The following EDNRB variants were observed in gnomAD, a reference collection of about 807,000 sequenced individuals.
EDNRB encodes endothelin receptor type B.
A neutral mutation model predicts 46.4 loss-of-function variants in EDNRB; 18 were observed. The ratio of observed to expected loss-of-function variants is 0.39; its 90% CI spans 0.27 to 0.57. The LOEUF (loss-of-function observed/expected upper bound fraction) is 0.57. Ranked by LOEUF, EDNRB falls within the 20% of genes least tolerant of loss-of-function variation. The pLI is 0.61. For synonymous variants in EDNRB, 213 were observed against 204.9 expected (o/e 1.04, Z -0.34); for missense variants, 434 against 537.5 (o/e 0.81, Z 1.90).
Position 77,898,194 on chromosome 13 carries a change from C to A in EDNRB, c.*6G>T, listed in dbSNP as rs781714008. The A allele has an allele frequency of 7.5e-6, 12 of 1,610,574 alleles. No homozygotes were observed. Among genetic ancestry groups the A allele is most frequent in the Non-Finnish European group, 1.0e-5 (12 of 1,178,174 alleles). On this transcript the variant is annotated 3_prime_UTR_variant, in exon 7 of 7. Transcript: ENST00000646607. ...AGAAAATGAAATACAGTGAATAGTT[C>A]TTCTTTCAAGATGAGCTGTATTTAT...
At chr13:77,970,863 C>G (rs1173371571) in intron 1 of EDNRB, among the ~76,000 whole-genome samples, 1 of 152,118 alleles carries the variant, frequency 6.6e-6, no homozygotes, top group Non-Finnish European at 1.5e-5. Flanking sequence ...GATGTATACA[C>G]TGGGAACAGC....
Position 77,918,816 on chromosome 13 carries a change from C to A in EDNRB, c.-243G>T. The A allele has an allele frequency of 7.7e-7, 1 of 1,306,434 alleles. No homozygotes were observed. The highest frequency in any genetic ancestry group is 9.7e-7 in the Non-Finnish European group (1 of 1,032,278). 80.9% of individuals were successfully genotyped at this position (1,306,434 alleles called of 1,614,324 possible). On this transcript the variant is annotated 5_prime_UTR_variant, in exon 1 of 7. Transcript: ENST00000646607. This position sits in a 1 kb window ranked among gnomAD's most constrained non-coding sequence, Gnocchi z 4.5. ...GGTCGAAACTCCTTCCTGATGCCCTCTCAGCTGTTTTTCTTCCCCCGCGTG... is the reference window on the plus strand; with the variant it reads ...GGTCGAAACTCCTTCCTGATGCCCTATCAGCTGTTTTTCTTCCCCCGCGTG...
chr13:77,960,189 C>T (rs1881363405), intron 1 of EDNRB, among the ~76,000 whole-genome samples: 1 of 152,106 alleles, frequency 6.6e-6, no homozygotes, highest in African/African-American at 2.4e-5. Context: ...TACGAGAATG[C>T]CACAAAGATA....
At chr13:77,900,881 A>G (rs1423329726) in intron 4 of EDNRB, among the ~76,000 whole-genome samples, 177 bp downstream of exon 4, 3 of 151,934 alleles carry the variant, frequency 2.0e-5, no homozygotes, top group African/African-American at 4.8e-5. Flanking sequence ...ATTATATAGA[A>G]TATCTCCAAA....
chr13:77,912,036 A>G (rs1324766752), intron 1 of EDNRB, among the ~76,000 whole-genome samples: 1 of 152,144 alleles, frequency 6.6e-6, no homozygotes, highest in East Asian at 1.9e-4. Context: ...CATATTAGCT[A>G]CACAGAGATA....
intron 1 of EDNRB, among the ~76,000 whole-genome samples, chr13:77,942,828 A>G (rs908722126): frequency 6.6e-6 from 1 of 152,106 alleles, no homozygotes. Context: ...AGCGATTATT[A>G]TTTGTTTTCT....
At chr13:77,901,651 A>G (rs1878992339) in intron 3 of EDNRB, among the ~76,000 whole-genome samples, 2 of 152,008 alleles carry the variant, frequency 1.3e-5, no homozygotes, top group African/African-American at 2.4e-5. Context: ...TAGGTTAACC[A>G]TTTAGCTCAG....
At position 77,903,255 on chromosome 13, in the gene EDNRB, G is replaced by A. The variant is rs112618428; in HGVS notation, c.702C>T (p.Val234=). 3.0e-5 allele frequency: 49 copies of A among 1,612,898 alleles called. 2 individuals carry two copies. In the African/African-American group the frequency reaches 3.7e-4, roughly 12 times the overall value. The change falls in exon 3 of 7, where the codon GTC becomes GTT. Residue 234 remains valine, a synonymous_variant. Coordinates refer to ENST00000646607, the MANE Select transcript of EDNRB (RefSeq NM_001122659.3). Reference sequence around the variant, plus strand: ...TTATATCAAAACCTATGGCTTCAGGGACAGCCAGAACCACAGAGACCACCC... The same window carrying A: ...TTATATCAAAACCTATGGCTTCAGGAACAGCCAGAACCACAGAGACCACCC... ...LIWVVSVVLA[V]PEAIGFDIIT... is the part of the protein sequence containing the mutation.
chr13:77,923,459 C>A (rs1046962198), upstream of EDNRB, among the ~76,000 whole-genome samples: 5 of 152,132 alleles, frequency 3.3e-5, no homozygotes, highest in African/African-American at 1.2e-4. Flanking sequence ...TTTGTCAATG[C>A]ACACTGTATT....
intron 5 of EDNRB, 135 bp from the exon 6 acceptor site, chr13:77,900,102 A>C (rs943604688): frequency 2.6e-6 from 2 of 755,186 alleles, no homozygotes; most frequent in African/African-American, 3.5e-5. Flanking sequence ...GTCTTTGCTA[A>C]CAATGATTCT....
At position 77,903,531 on chromosome 13, in the gene EDNRB, A is replaced by T; in HGVS notation, c.560T>A (p.Ile187Asn). The change falls in exon 2 of 7, where the codon ATC becomes AAC. Residue 187 changes from isoleucine (I) to asparagine (N), a missense_variant. Coordinates refer to ENST00000646607, the MANE Select transcript of EDNRB (RefSeq NM_001122659.3). ...CAGAGCACATAGACTCAGCACAGTG[A>T]TTCCCACAGAGGCTTTCTGTATGAA... ...VPFIQKASVG[I>N]TVLSLCALSI... 6.2e-7 allele frequency: 1 copy of T among 1,612,964 alleles called. No individual in the cohort carries two copies. Among genetic ancestry groups the T allele is most frequent in the Non-Finnish European group, 8.5e-7 (1 of 1,179,314 alleles).
upstream of EDNRB, among the ~76,000 whole-genome samples, chr13:77,923,112 GA>G (rs1880131642): frequency 6.6e-6 from 1 of 152,090 alleles, no homozygotes; most frequent in Non-Finnish European, 1.5e-5. Flanking sequence ...AATGTAACTA[GA>G]AATAAGACTT....
intron 6 of EDNRB, among the ~76,000 whole-genome samples, chr13:77,899,185 T>C (rs1201054657): frequency 6.6e-6 from 1 of 151,760 alleles, no homozygotes; most frequent in Non-Finnish European, 1.5e-5. Context: ...TAGGCTGCCT[T>C]AGTGTTTACG....
At chr13:77,919,539 T>C (rs893740409), upstream of EDNRB, 40 of 1,612,614 alleles carry the variant, frequency 2.5e-5, no homozygotes, top group Non-Finnish European at 2.7e-5. Flanking sequence ...GACGAAACGC[T>C]GCGAGAATGC....
intron 1 of EDNRB, among the ~76,000 whole-genome samples, chr13:77,966,686 A>G (rs1881591456): frequency 6.6e-6 from 1 of 152,194 alleles, no homozygotes; most frequent in Non-Finnish European, 1.5e-5. Context: ...TAAAATTTGG[A>G]ACTTCTTTTG....
rs1309814169 is a variant in EDNRB at position 77,898,479 on chromosome 13, G to A, written c.1195-145C>T. ...TGCTCTTTTATTTTCCCTCTTAAAA[G>A]AATATAATCACAGTAGTAGCATATG... On this transcript the variant is annotated intron_variant, in intron 6 of 6. Coordinates refer to ENST00000646607, the MANE Select transcript of EDNRB (RefSeq NM_001122659.3). 3.3e-6 allele frequency: 4 copies of A among 1,212,886 alleles called. No individual in the cohort carries two copies. The African/African-American group carries it at 4.6e-5, about 14-fold the overall frequency. 75.1% of individuals were successfully genotyped at this position (1,212,886 alleles called of 1,614,324 possible).
At chr13:77,949,464 G>A (rs537110964) in intron 1 of EDNRB, among the ~76,000 whole-genome samples, 1 of 152,142 alleles carries the variant, frequency 6.6e-6, no homozygotes, top group Non-Finnish European at 1.5e-5. Context: ...TTTTAGACAT[G>A]CATCACAGTC....
chr13:77,902,401 C>T (rs896061909), intron 3 of EDNRB, among the ~76,000 whole-genome samples: 1 of 151,918 alleles, frequency 6.6e-6, no homozygotes, highest in African/African-American at 2.4e-5. Context: ...CTTTACATCT[C>T]CTTGCCCCTA....
intron 5 of EDNRB, 125 bp from the exon 6 acceptor site, chr13:77,900,092 G>A (rs968164593): frequency 3.9e-6 from 3 of 778,014 alleles, no homozygotes; most frequent in Non-Finnish European, 4.4e-6. Context: ...TTTATCACTC[G>A]TCTTTGCTAA....
Sources: allele counts gnomAD v4.1 joint callset (sites outside exome capture counted in the v4.1 genomes callset), GRCh38; gene constraint gnomAD v4.1.1; non-coding constraint Gnocchi (gnomAD v3.1); transcripts MANE v1.5; gene names NCBI Gene and HGNC (gene_info 2026-07-23, HGNC 2026-07-21).